BNC2: variants seen among roughly 807,000 people sequenced by gnomAD.
BNC2 encodes the protein zinc finger protein basonuclin-2.
BNC2 carries 20 observed loss-of-function variants against 76.3 expected under a neutral mutation model. That is an observed-to-expected ratio of 0.26 (90% CI 0.18 to 0.38). The LOEUF (loss-of-function observed/expected upper bound fraction) is 0.38. Among genes scored for constraint, BNC2 ranks in the 10% least tolerant of loss-of-function variants. The pLI, the probability that BNC2 is intolerant of heterozygous loss-of-function variation, is 1.00. For missense variants in BNC2, 1,382 were observed against 1,399.8 expected (o/e 0.99, Z 0.20); for synonymous variants, 582 against 514.8 (o/e 1.13, Z -1.77).
Position 16,758,927 on chromosome 9 carries a change from T to C in BNC2, c.4-20442A>G, listed in dbSNP as rs534273249. On this transcript the variant is annotated intron_variant, in intron 1 of 6. Coordinates refer to ENST00000380672, the MANE Select transcript of BNC2 (RefSeq NM_017637.6). ...AAATCAACCTTTTAAAAATATTGTTTAAATTATCTTTCATTTGAATGGGAA... is the reference window on the plus strand; with the variant it reads ...AAATCAACCTTTTAAAAATATTGTTCAAATTATCTTTCATTTGAATGGGAA... 1.3e-3 allele frequency among the ~76,000 whole-genome samples: 199 copies of C among 152,312 alleles called. 4 individuals carry two copies. The South Asian group carries it at 0.031, about 23-fold the overall frequency.
At chr9:16,465,444 A>AAAAAAAAC (rs1162267905) in intron 5 of BNC2, among the ~76,000 whole-genome samples, 1 of 151,454 alleles carries the variant, frequency 6.6e-6, no homozygotes, top group Non-Finnish European at 1.5e-5. Flanking sequence ...CAAAAAAAAA[A>AAAAAAAAC]AAAAAAAAGG....
At chr9:16,780,388 A>G (rs2135545801) in intron 1 of BNC2, among the ~76,000 whole-genome samples, 1 of 152,000 alleles carries the variant, frequency 6.6e-6, no homozygotes, top group Non-Finnish European at 1.5e-5. Flanking sequence ...CCTGGCCAAC[A>G]TGGGGAAACC....
At position 16,569,004 on chromosome 9, in the gene BNC2, T is replaced by TA. The variant is rs1257206569; in HGVS notation, c.433+13978_433+13979insT. 4.2e-5 allele frequency among the ~76,000 whole-genome samples: 4 copies of TA among 95,292 alleles called. No individual in the cohort carries two copies. The East Asian group carries it at 9.0e-4, about 21-fold the overall frequency. The allele number at this position is 95,292 out of a possible 152,430, so 62.5% of individuals were successfully genotyped here. ...TTAATACCAAGGCTTGCTTCTAGAG[T>TA]TTTTTTTTTTTTTTTAAAGAGAAGA... On this transcript the variant is annotated intron_variant, in intron 4 of 6. Transcript: ENST00000380672.
intron 1 of BNC2, among the ~76,000 whole-genome samples, chr9:16,763,132 T>C (rs112834569): frequency 9.5e-4 from 144 of 152,324 alleles, no homozygotes; most frequent in African/African-American, 3.3e-3. Context: ...GTTATGGTGA[T>C]AAGGGCTTTA....
intron 3 of BNC2, among the ~76,000 whole-genome samples, chr9:16,664,744 G>T (rs1034940085): frequency 1.3e-5 from 2 of 151,804 alleles, no homozygotes; most frequent in African/African-American, 4.8e-5. Flanking sequence ...AAAAACAGGG[G>T]ATCTACAAGA....
At chr9:16,517,459 C>T (rs1253033966) in intron 5 of BNC2, among the ~76,000 whole-genome samples, 1 of 152,056 alleles carries the variant, frequency 6.6e-6, no homozygotes, top group African/African-American at 2.4e-5. Context: ...TGTTTTAGCC[C>T]AATTCTGATC....
At chr9:16,617,130 A>T (rs1700210101) in intron 3 of BNC2, among the ~76,000 whole-genome samples, 1 of 152,188 alleles carries the variant, frequency 6.6e-6, no homozygotes. Context: ...TGGGGTCATG[A>T]TCATCATCGA....
chr9:16,467,576 G>A (rs372289579), intron 5 of BNC2, among the ~76,000 whole-genome samples: 72 of 136,714 alleles, frequency 5.3e-4, no homozygotes, highest in African/African-American at 7.8e-4. Context: ...GTAAACTATC[G>A]CAAGAACAAA....
chr9:16,845,658 T>C (rs1292944501), intron 1 of BNC2, among the ~76,000 whole-genome samples: 1 of 151,718 alleles, frequency 6.6e-6, no homozygotes, highest in Non-Finnish European at 1.5e-5. Context: ...GAGGCGGAGC[T>C]TGCAGTGAGC....
At chr9:16,517,033 C>T (rs1317458142) in intron 5 of BNC2, among the ~76,000 whole-genome samples, 2 of 152,158 alleles carry the variant, frequency 1.3e-5, no homozygotes, top group African/African-American at 4.8e-5. Flanking sequence ...AATATCCAGA[C>T]GAAGCCAAAA....
chr9:16,444,580 A>T (rs1821193956), intron 5 of BNC2, among the ~76,000 whole-genome samples: 1 of 152,160 alleles, frequency 6.6e-6, no homozygotes, highest in Non-Finnish European at 1.5e-5. Flanking sequence ...CTCAGGTAAT[A>T]TGAACAGGGG....
chr9:16,718,303 T>A (rs964669448), intron 3 of BNC2, among the ~76,000 whole-genome samples: 1 of 152,216 alleles, frequency 6.6e-6, no homozygotes, highest in Admixed American at 6.5e-5. Flanking sequence ...CTCCCAGATG[T>A]TGGAGTTTGA....
chr9:16,832,699 C>G (rs1209222005), intron 1 of BNC2, among the ~76,000 whole-genome samples: 1 of 151,994 alleles, frequency 6.6e-6, no homozygotes, highest in Non-Finnish European at 1.5e-5. Context: ...TGAACAAAAC[C>G]TGAGAAAAGT....
intron 5 of BNC2, among the ~76,000 whole-genome samples, chr9:16,515,136 A>C (rs1263503421): frequency 6.6e-6 from 1 of 152,220 alleles, no homozygotes; most frequent in African/African-American, 2.4e-5. Flanking sequence ...AGTGGAAGCA[A>C]CATCCAGAGG....
intron 3 of BNC2, among the ~76,000 whole-genome samples, chr9:16,716,920 G>A (rs1824011060): frequency 1.3e-5 from 2 of 152,012 alleles, no homozygotes; most frequent in South Asian, 4.1e-4. Context: ...TTGATTCTTA[G>A]CAACTTGCAC....
At position 16,435,899 on chromosome 9, in the gene BNC2, C is replaced by G. The variant is rs553443108; in HGVS notation, c.2295G>C (p.Glu765Asp). The G allele has an allele frequency of 6.2e-7, 1 of 1,613,858 alleles. No homozygotes were observed. Among genetic ancestry groups the G allele is most frequent in the African/African-American group, 1.3e-5 (1 of 74,980 alleles). The change falls in exon 6 of 7, where the codon GAG (glutamate) becomes GAC (aspartate). Residue 765 changes from glutamate to aspartate, a missense_variant. Physicochemically the swap from Glu to Asp is conservative, Grantham distance 45. This residue lies in a region of BNC2 where 798 missense variants were observed against 775.5 expected (regional missense o/e 1.03). Coordinates refer to ENST00000380672, the MANE Select transcript of BNC2 (RefSeq NM_017637.6). ...NSERPDENHSEPSHQDVIKVK... is the reference protein window; with the variant it reads ...NSERPDENHSDPSHQDVIKVK... ...CCTTGATGACGTCCTGGTGAGAGGGCTCACTGTGGTTCTCATCAGGCCTCT... is the reference window on the plus strand; with the variant it reads ...CCTTGATGACGTCCTGGTGAGAGGGGTCACTGTGGTTCTCATCAGGCCTCT...
intron 5 of BNC2, among the ~76,000 whole-genome samples, chr9:16,517,179 G>A (rs886155981): frequency 3.3e-5 from 5 of 152,212 alleles, no homozygotes; most frequent in African/African-American, 1.2e-4. Flanking sequence ...TGTGTATAAG[G>A]TTCTGTGTGT....
At chr9:16,861,284 T>G (rs907665955) in intron 1 of BNC2, among the ~76,000 whole-genome samples, 3 of 150,124 alleles carry the variant, frequency 2.0e-5, no homozygotes, top group African/African-American at 7.4e-5. Flanking sequence ...AGCCCAGGAG[T>G]TCAAGGCTGC....
intron 1 of BNC2, among the ~76,000 whole-genome samples, chr9:16,853,215 C>G (rs1230850057): frequency 6.6e-6 from 1 of 151,928 alleles, no homozygotes; most frequent in Admixed American, 6.6e-5. Flanking sequence ...GTCAGGAGTT[C>G]ATGACCAGCC....
Sources: allele counts gnomAD v4.1 joint callset (sites outside exome capture counted in the v4.1 genomes callset), GRCh38; gene constraint gnomAD v4.1.1; regional missense constraint gnomAD v4.1.1; transcripts MANE v1.5; gene names NCBI Gene and HGNC (gene_info 2026-07-23, HGNC 2026-07-21).